Variants in DISC1 observed in about 807,000 individuals in gnomAD.
DISC1 encodes disrupted in schizophrenia 1 protein.
DISC1 carries 57 observed loss-of-function variants against 84.5 expected under a neutral mutation model. That is an observed-to-expected ratio of 0.67 (90% CI 0.55 to 0.84). The LOEUF (loss-of-function observed/expected upper bound fraction) is 0.84, where lower values mean the gene tolerates loss of function less well. Among genes scored for constraint, DISC1 ranks in the 40% least tolerant of loss-of-function variants. The probability of loss-of-function intolerance (pLI) is 0.00; values close to 1 mark genes in which losing one functional copy is unlikely to be tolerated. For missense variants in DISC1, 1,000 were observed against 1,057.8 expected, an observed-to-expected ratio of 0.95 and a Z score of 0.76; for synonymous variants, 411 against 415.2, an observed-to-expected ratio of 0.99 and a Z score of 0.12.
rs6675281 is a variant in DISC1 at position 231,818,355 on chromosome 1, C to T, written c.1819C>T (p.Leu607Phe). ...AAACCATTTCTGGACGGCTAAAGAC[C>T]TCACCGAGGAGATTAGATCATTAAC... The part of the protein sequence containing the change: ...SGNHFWTAKD[L>F]TEEIRSLTSE... Residue 607 changes from leucine (L) to phenylalanine (F), a missense_variant, in exon 9 of 13, where the codon CTC becomes TTC. Coordinates refer to ENST00000439617, the MANE Select transcript of DISC1 (RefSeq NM_018662.3). 210,366 of 1,613,712 alleles carry T rather than the reference C, an allele frequency of 0.13. 15,127 individuals carry two copies. Among genetic ancestry groups the T allele is most frequent in the African/African-American group, 0.18 (13,525 of 74,958 alleles).
intron 1 of DISC1, among the ~76,000 whole-genome samples, chr1:231,627,946 G>C (rs959534947): frequency 6.6e-6 from 1 of 152,208 alleles, no homozygotes; most frequent in Admixed American, 6.5e-5. Flanking sequence ...TGGACATGCA[G>C]GAGACTATGA....
At chr1:231,909,717 C>T (rs1258113230) in intron 9 of DISC1, among the ~76,000 whole-genome samples, 1 of 152,100 alleles carries the variant, frequency 6.6e-6, no homozygotes, top group Non-Finnish European at 1.5e-5. Flanking sequence ...CCTTCTTTTT[C>T]TATTGATTGG....
rs2065311321 is a variant in DISC1 at position 231,693,703 on chromosome 1, C to G, written c.68-123C>G. 2.1e-6 allele frequency: 3 copies of G among 1,462,542 alleles called. No individual in the cohort carries two copies. In the Admixed American group the frequency reaches 5.4e-5, roughly 26 times the overall value. The allele number at this position is 1,462,542 out of a possible 1,614,324, so 90.6% of individuals were successfully genotyped here. A position where few individuals can be genotyped will look rare whatever the true frequency, so the allele number is the denominator to read the frequency against. On this transcript the variant is annotated intron_variant, in intron 1 of 12. Transcript: ENST00000439617. ...ATTGGCCCTGGGACCACTGAGCCAG[C>G]ATCTATCTTTGACAGGTGTACTGAG...
chr1:231,746,087 C>G (rs2073949580), intron 3 of DISC1, among the ~76,000 whole-genome samples: 1 of 152,178 alleles, frequency 6.6e-6, no homozygotes, highest in South Asian at 2.1e-4. Flanking sequence ...TCTGCAGAAC[C>G]AGGAGCTAAA....
chr1:232,024,385 C>A (rs1441361647), intron 11 of DISC1, among the ~76,000 whole-genome samples: 2 of 152,068 alleles, frequency 1.3e-5, no homozygotes, highest in African/African-American at 4.8e-5. Flanking sequence ...AATTTTAAAG[C>A]TAATATAGCA....
intron 9 of DISC1, chr1:231,866,574 C>T: frequency 1.6e-6 from 2 of 1,224,752 alleles, no homozygotes; most frequent in South Asian, 1.2e-5. Context: ...CAGCAACTTG[C>T]CTGAGGACAG....
At chr1:231,665,789 A>C (rs2061966318) in intron 1 of DISC1, among the ~76,000 whole-genome samples, 2 of 152,310 alleles carry the variant, frequency 1.3e-5, no homozygotes, top group African/African-American at 4.8e-5. Flanking sequence ...ATGTTGTTCA[A>C]GGGTCAACTG....
chr1:231,812,665 G>A (rs1304481910), intron 8 of DISC1, among the ~76,000 whole-genome samples: 1 of 152,164 alleles, frequency 6.6e-6, no homozygotes, highest in African/African-American at 2.4e-5. Flanking sequence ...TGCCATAGGT[G>A]GCATATTCTT....
At chr1:231,931,985 G>C (rs141976615) in intron 9 of DISC1, among the ~76,000 whole-genome samples, 2 of 152,028 alleles carry the variant, frequency 1.3e-5, no homozygotes, top group African/African-American at 4.8e-5. Flanking sequence ...GCTCATGGCC[G>C]TGGGGAGCCC....
At chr1:231,761,397 A>C (rs2075650594) in intron 4 of DISC1, among the ~76,000 whole-genome samples, 1 of 152,214 alleles carries the variant, frequency 6.6e-6, no homozygotes, top group South Asian at 2.1e-4. Flanking sequence ...CAGAGGACAG[A>C]AGATTTGAAA....
At chr1:231,722,469 C>T (rs2069922720) in intron 3 of DISC1, 7 of 1,608,388 alleles carry the variant, frequency 4.4e-6, no homozygotes, top group Non-Finnish European at 5.9e-6. Flanking sequence ...GCTTCAAATA[C>T]TGTTAGTCCC....
rs201469372 is a variant in DISC1 at position 231,730,835 on chromosome 1, A to G, written c.1118-19091A>G. Among the ~76,000 whole-genome samples, 124 of 152,356 alleles carry G rather than the reference A, an allele frequency of 8.1e-4. 1 individual carries two copies. Among genetic ancestry groups the G allele is most frequent in the Non-Finnish European group, 1.6e-3 (106 of 68,030 alleles). ...TTGCTAAGTGAGTTAGTCCTAGCCT[A>G]AGTAATTAACCCATTTTGGTGATGA... On this transcript the variant is annotated intron_variant, in intron 3 of 12. Transcript: ENST00000439617.
intron 6 of DISC1, among the ~76,000 whole-genome samples, chr1:231,793,939 A>T (rs890289595): frequency 1.3e-5 from 2 of 152,130 alleles, no homozygotes; most frequent in South Asian, 4.1e-4. Context: ...TGACTAAATA[A>T]ATTTATTTTA....
chr1:231,930,205 C>A (rs559535777), intron 9 of DISC1, among the ~76,000 whole-genome samples: 2 of 152,260 alleles, frequency 1.3e-5, no homozygotes, highest in South Asian at 4.2e-4. Context: ...GCTTAGAGAT[C>A]CTGTCCTTTA....
chr1:231,817,862 A>T (rs987118213), intron 8 of DISC1, among the ~76,000 whole-genome samples: 12 of 152,144 alleles, frequency 7.9e-5, no homozygotes, highest in African/African-American at 2.9e-4. Flanking sequence ...TTTGCCCCAG[A>T]TGTGCTAATT....
intron 9 of DISC1, among the ~76,000 whole-genome samples, chr1:231,914,215 G>A (rs2089458918): frequency 6.6e-6 from 1 of 152,204 alleles, no homozygotes; most frequent in Non-Finnish European, 1.5e-5. Context: ...AGGAAAAGGT[G>A]CATAGGAGAT....
At position 231,702,336 on chromosome 1, in the gene DISC1, G is replaced by T. The variant is rs576425020; in HGVS notation, c.1117+312G>T. ...GGTGTGATGTATCTATAATCCACTT[G>T]TTCATAAAAAATATTCGTCTGACAC... On this transcript the variant is annotated intron_variant, in intron 3 of 12. Coordinates refer to ENST00000439617, the MANE Select transcript of DISC1 (RefSeq NM_018662.3). 8.0e-4 allele frequency: 848 copies of T among 1,055,300 alleles called. 9 individuals are homozygous for T. In the South Asian group the frequency reaches 0.016, roughly 20 times the overall value. The allele number at this position is 1,055,300 out of a possible 1,614,324, so 65.4% of individuals were successfully genotyped here. A position where few individuals can be genotyped will look rare whatever the true frequency, so the allele number is the denominator to read the frequency against.
At chr1:231,700,378 G>A (rs192148864) in intron 2 of DISC1, among the ~76,000 whole-genome samples, 24 of 152,046 alleles carry the variant, frequency 1.6e-4, no homozygotes, top group African/African-American at 5.5e-4. Context: ...GATGTTTTTC[G>A]TCATCTAGTC....
chr1:231,868,222 A>G (rs9432017), intron 9 of DISC1, among the ~76,000 whole-genome samples: 127,463 of 152,170 alleles, frequency 0.84, 53,776 homozygotes, highest in East Asian at 0.99. Flanking sequence ...TTTTTAGGTC[A>G]GAAGAGATTC....
Sources: gnomAD v4.1 joint callset for allele counts (sites outside exome capture counted in the v4.1 genomes callset) on GRCh38, gnomAD v4.1.1 for gene constraint, MANE v1.5 for transcripts, NCBI Gene and HGNC (gene_info 2026-07-23, HGNC 2026-07-21) for gene names.